Variants in NRG1 observed in about 807,000 individuals in gnomAD.
NRG1 encodes the protein neuregulin 1.
In NRG1, 18 loss-of-function variants were observed where a neutral mutation model predicts 63.8. The observed-to-expected ratio is 0.28, with a 90% CI of 0.19 to 0.42. The LOEUF (loss-of-function observed/expected upper bound fraction) is 0.42. Ranked by LOEUF, NRG1 falls within the 10% of genes least tolerant of loss-of-function variation. NRG1 has a pLI of 1.00. For missense variants in NRG1, 762 were observed against 814.7 expected, an observed-to-expected ratio of 0.94 and a Z score of 0.79; for synonymous variants, 302 against 301.3, an observed-to-expected ratio of 1.00 and a Z score of -0.02.
chr8:32,289,431 G>A (rs1180418189), intron 1 of NRG1, among the ~76,000 whole-genome samples: 5 of 148,844 alleles, frequency 3.4e-5, no homozygotes, highest in South Asian at 2.1e-4. Context: ...CAGTGTTAAC[G>A]TATTAAAAAA....
At chr8:31,932,238 A>G (rs1411330132) in intron 1 of NRG1, among the ~76,000 whole-genome samples, 1 of 152,188 alleles carries the variant, frequency 6.6e-6, no homozygotes, top group Non-Finnish European at 1.5e-5. Flanking sequence ...AAATAATGGC[A>G]TATTTTGCTG....
At chr8:32,700,848 T>A (rs529711755) in intron 5 of NRG1, among the ~76,000 whole-genome samples, 1 of 152,246 alleles carries the variant, frequency 6.6e-6, no homozygotes, top group Admixed American at 6.5e-5. Flanking sequence ...CCCTTTCCCT[T>A]CATTTCCTCC....
intron 1 of NRG1, among the ~76,000 whole-genome samples, chr8:32,228,309 T>C (rs1846545204): frequency 6.6e-6 from 1 of 152,214 alleles, no homozygotes; most frequent in Non-Finnish European, 1.5e-5. Context: ...TGAAAGTTAA[T>C]AACTGAATTT....
At chr8:31,691,920 C>A (rs1034397618) in intron 1 of NRG1, among the ~76,000 whole-genome samples, 2 of 152,070 alleles carry the variant, frequency 1.3e-5, no homozygotes, top group African/African-American at 2.4e-5. Flanking sequence ...GCAGTCTCGA[C>A]CTCCTGGGCT....
Position 31,748,707 on chromosome 8 carries a change from A to G in NRG1, c.37+109276A>G, listed in dbSNP as rs551504851. 6.6e-5 allele frequency among the ~76,000 whole-genome samples: 10 copies of G among 151,986 alleles called. 1 individual carries two copies. The highest frequency in any genetic ancestry group is 2.2e-4 in the African/African-American group (9 of 41,516). On this transcript the variant is annotated intron_variant, in intron 1 of 10. Transcript: ENST00000519301. The stretch of plus-strand genomic sequence containing the variant: ...ATAAAATTTTGTAATAGGTTGAAGT[A>G]TATCTTTGGCATCTTTTCACCTTTC...
intron 1 of NRG1, among the ~76,000 whole-genome samples, chr8:32,438,316 A>G (rs930214604): frequency 1.3e-5 from 2 of 152,088 alleles, no homozygotes; most frequent in African/African-American, 4.8e-5. Context: ...TTCTTTGGAG[A>G]TTCTTTACTT....
In NRG1 at chr8:32,366,671, GTGTGTGTATATATATA is replaced by G. The variant is rs1445760915; in HGVS notation, c.38-229155_38-229140del. ...ATATATATTGTGTGTGTGTGTGTGT[GTGTGTGTATATATATA>G]TATATATATATATATATATATATAT... On this transcript the variant is annotated intron_variant, in intron 1 of 10. Transcript: ENST00000519301. Among the ~76,000 whole-genome samples the G allele has an allele frequency of 1.3e-3, 110 of 86,514 alleles. 1 individual carries two copies. The highest frequency in any genetic ancestry group is 3.2e-3 in the African/African-American group (84 of 26,274). The allele number at this position is 86,514 out of a possible 152,430, so 56.8% of individuals were successfully genotyped here. A position where few individuals can be genotyped will look rare whatever the true frequency, so the allele number is the denominator to read the frequency against.
intron 1 of NRG1, among the ~76,000 whole-genome samples, chr8:32,045,099 A>G (rs1820799010): frequency 6.6e-6 from 1 of 151,754 alleles, no homozygotes; most frequent in Non-Finnish European, 1.5e-5. Context: ...AAGATAAAAC[A>G]CACAATATCA....
At chr8:32,692,357 A>G (rs1811970840) in intron 5 of NRG1, among the ~76,000 whole-genome samples, 3 of 152,188 alleles carry the variant, frequency 2.0e-5, no homozygotes, top group East Asian at 1.9e-4. Flanking sequence ...GTCCAGCAGC[A>G]CACAATTTTC....
intron 6 of NRG1, among the ~76,000 whole-genome samples, chr8:32,729,788 C>T (rs950733692): frequency 2.6e-5 from 4 of 152,036 alleles, no homozygotes; most frequent in African/African-American, 9.7e-5. Context: ...TCGAAAATGC[C>T]ATTTTGTAGG....
intron 5 of NRG1, among the ~76,000 whole-genome samples, chr8:32,620,472 C>T (rs533370972): frequency 5.4e-5 from 8 of 148,690 alleles, no homozygotes; most frequent in African/African-American, 2.0e-4. Flanking sequence ...TCTGACTTCA[C>T]AGCCCCCAAA....
Position 32,440,826 on chromosome 8 carries a change from G to C in NRG1, c.38-155002G>C, listed in dbSNP as rs1186774354. 4 of 152,040 alleles carry C rather than the reference G, an allele frequency of 2.6e-5. No individual in the cohort carries two copies. In the East Asian group the frequency reaches 7.7e-4, roughly 29 times the overall value. 9.4% of individuals were successfully genotyped at this position (152,040 alleles called of 1,614,324 possible). A position where few individuals can be genotyped will look rare whatever the true frequency, so the allele number is the denominator to read the frequency against. ...TATGGTATTATTAATTAAAACGAAG[G>C]GCTGAGTATTTCTTTCATTGAGATT... On this transcript the variant is annotated intron_variant, in intron 1 of 10. Coordinates refer to the NRG1 transcript ENST00000519301.
At chr8:32,443,982 T>A (rs976180882) in intron 1 of NRG1, among the ~76,000 whole-genome samples, 1 of 151,888 alleles carries the variant, frequency 6.6e-6, no homozygotes, top group African/African-American at 2.4e-5. Context: ...ATTTCCTCCC[T>A]TCCCTTCTTT....
chr8:31,847,102 T>C (rs1348812693), intron 1 of NRG1, among the ~76,000 whole-genome samples: 1 of 152,188 alleles, frequency 6.6e-6, no homozygotes, highest in Non-Finnish European at 1.5e-5. Flanking sequence ...CATTAATAGG[T>C]TTCCCTTTTA....
intron 1 of NRG1, among the ~76,000 whole-genome samples, chr8:32,129,625 T>C (rs959945240): frequency 2.0e-5 from 3 of 151,944 alleles, no homozygotes; most frequent in African/African-American, 4.8e-5. Flanking sequence ...ACATATCTTT[T>C]GGAGGAGGAT....
chr8:31,955,274 T>G (rs1243186916), intron 1 of NRG1, among the ~76,000 whole-genome samples: 3 of 152,136 alleles, frequency 2.0e-5, no homozygotes, highest in Non-Finnish European at 2.9e-5. Context: ...AGTTGAAAAT[T>G]AGTGAATGAA....
intron 1 of NRG1, among the ~76,000 whole-genome samples, chr8:32,454,573 CTTTTTTTTTTTTTTT>C: frequency 1.3e-5 from 1 of 76,450 alleles, no homozygotes; most frequent in East Asian, 4.5e-4. Flanking sequence ...TCCCATCCCT[CTTTTTTTTTTTTTTT>C]TTTTTTTTTT....
chr8:31,650,424 C>T lies in NRG1; in HGVS notation c.37+10993C>T, dbSNP rs76025527. Among the ~76,000 whole-genome samples, 91 of 152,260 alleles carry T rather than the reference C, an allele frequency of 6.0e-4. 3 individuals are homozygous for T. In the East Asian group the frequency reaches 0.016, roughly 27 times the overall value. On this transcript the variant is annotated intron_variant, in intron 1 of 10. Coordinates refer to the NRG1 transcript ENST00000519301. ...CACCTTCCCATATGAACACTTCATC[C>T]ACTCTGACTGCTCCCTGAACAGGCC... is the stretch of plus-strand genomic sequence containing the variant.
chr8:31,763,181 A>G (rs913611521), intron 1 of NRG1, among the ~76,000 whole-genome samples: 12 of 152,348 alleles, frequency 7.9e-5, no homozygotes, highest in Non-Finnish European at 1.5e-4. Flanking sequence ...CATTTGATAA[A>G]GGAAATCTAT....
Sources: allele counts gnomAD v4.1 joint callset (sites outside exome capture counted in the v4.1 genomes callset), GRCh38; gene constraint gnomAD v4.1.1; transcripts MANE v1.5; gene names NCBI Gene and HGNC (gene_info 2026-07-23, HGNC 2026-07-21).